The following SPSB4 variants were observed in gnomAD, a reference collection of about 807,000 sequenced individuals.
SPSB4 encodes the protein splA/ryanodine receptor domain and SOCS box containing 4.
A neutral mutation model predicts 20.9 loss-of-function variants in SPSB4; 21 were observed. That is an observed-to-expected ratio of 1.01 (90% confidence interval 0.71 to 1.45). SPSB4 has a LOEUF of 1.45. Ranked by LOEUF, SPSB4 falls within the 40% of genes most tolerant of loss-of-function variation. The pLI, the probability that SPSB4 is intolerant of heterozygous loss-of-function variation, is 0.00. For missense variants in SPSB4, 399 were observed against 399.2 expected, an observed-to-expected ratio of 1.00 and a Z score of 0.00; for synonymous variants, 207 against 183.8, an observed-to-expected ratio of 1.13 and a Z score of -1.02.
intron 2 of SPSB4, among the ~76,000 whole-genome samples, chr3:141,082,961 C>T (rs1938267891): frequency 2.0e-5 from 3 of 152,170 alleles, no homozygotes; most frequent in Admixed American, 1.3e-4. Context: ...TCTGGGCTTC[C>T]TCAGATTTGG....
intron 2 of SPSB4, among the ~76,000 whole-genome samples, chr3:141,134,574 T>G (rs1470958135): frequency 2.6e-5 from 4 of 152,152 alleles, no homozygotes; most frequent in Non-Finnish European, 5.9e-5. Flanking sequence ...ATTGACATGC[T>G]TATATGATTT....
At chr3:141,114,796 A>G (rs1457075509) in intron 2 of SPSB4, among the ~76,000 whole-genome samples, 1 of 152,232 alleles carries the variant, frequency 6.6e-6, no homozygotes. Context: ...GTTTTTGTCC[A>G]TAAACCTCTA....
intron 2 of SPSB4, among the ~76,000 whole-genome samples, chr3:141,113,010 C>T (rs920349488): frequency 6.6e-6 from 1 of 152,146 alleles, no homozygotes; most frequent in Non-Finnish European, 1.5e-5. Context: ...AGCTGTTCTC[C>T]CATCTTCTTT....
intron 2 of SPSB4, among the ~76,000 whole-genome samples, chr3:141,074,772 G>A (rs778490824): frequency 1.2e-4 from 19 of 152,222 alleles, no homozygotes; most frequent in East Asian, 1.9e-4. Context: ...CCGAGGTGGC[G>A]GCCCTGAGGG....
At chr3:141,077,911 C>T (rs576002907) in intron 2 of SPSB4, among the ~76,000 whole-genome samples, 39 of 152,340 alleles carry the variant, frequency 2.6e-4, no homozygotes, top group African/African-American at 9.1e-4. Flanking sequence ...TGAGAAACCG[C>T]TCAGGCACCC....
chr3:141,099,437 A>G (rs985871662), intron 2 of SPSB4, among the ~76,000 whole-genome samples: 3 of 152,196 alleles, frequency 2.0e-5, no homozygotes, highest in African/African-American at 7.2e-5. Flanking sequence ...TTTATTTTGT[A>G]TGTATAGATT....
chr3:141,059,407 G>T (rs1231669619), intron 1 of SPSB4, among the ~76,000 whole-genome samples: 2 of 151,736 alleles, frequency 1.3e-5, no homozygotes, highest in Non-Finnish European at 2.9e-5. Flanking sequence ...GCATCTGCTT[G>T]GCTTCTAGAG....
intron 2 of SPSB4, among the ~76,000 whole-genome samples, chr3:141,114,944 G>C (rs1938861332): frequency 6.6e-6 from 1 of 152,192 alleles, no homozygotes; most frequent in South Asian, 2.1e-4. Flanking sequence ...GAACGCAAGA[G>C]TCTTGTGAGC....
At chr3:141,143,827 T>C (rs1939372975) in intron 2 of SPSB4, among the ~76,000 whole-genome samples, 1 of 152,248 alleles carries the variant, frequency 6.6e-6, no homozygotes, top group Non-Finnish European at 1.5e-5. Context: ...GCTCCTTCTT[T>C]TCATTATGTT....
At chr3:141,088,951 T>G (rs1938400491) in intron 2 of SPSB4, among the ~76,000 whole-genome samples, 1 of 152,254 alleles carries the variant, frequency 6.6e-6, no homozygotes, top group South Asian at 2.1e-4. Context: ...TAAGCACATC[T>G]GTGTCCATAT....
rs1389235894 is a variant in SPSB4, at chr3:141,066,360, G to A, written c.256G>A (p.Gly86Ser). 4 of 1,556,992 alleles carry A rather than the reference G, an allele frequency of 2.6e-6. No individual in the cohort carries two copies. Among genetic ancestry groups the A allele is most frequent in the East Asian group, 2.4e-5 (1 of 41,284 alleles). ...GCACCCCGTGGCCCAGAGCACCGAC[G>A]GCATCCGCGGCAAGGTGGGCCACGC... ...HRHPVAQSTD[G>S]IRGKVGHARG... Residue 86 changes from glycine to serine, a missense_variant, in exon 2 of 3, where the codon GGC (glycine) becomes AGC (serine). Transcript: ENST00000310546.
At chr3:141,078,905 G>A (rs1046280583) in intron 2 of SPSB4, among the ~76,000 whole-genome samples, 3 of 152,316 alleles carry the variant, frequency 2.0e-5, no homozygotes, top group Admixed American at 2.0e-4. Flanking sequence ...GGCATGTAGT[G>A]GATTCTGTGT....
intron 2 of SPSB4, among the ~76,000 whole-genome samples, chr3:141,107,160 G>A (rs1455046411): frequency 6.6e-6 from 1 of 152,200 alleles, no homozygotes; most frequent in Non-Finnish European, 1.5e-5. Context: ...AAAGCCTCAG[G>A]AAAAACACAC....
chr3:141,095,673 G>A (rs537324638), intron 2 of SPSB4, among the ~76,000 whole-genome samples: 3 of 152,222 alleles, frequency 2.0e-5, no homozygotes, highest in Admixed American at 2.0e-4. Flanking sequence ...CTGTCCCCTC[G>A]GAACATTCTG....
chr3:141,117,283 G>C (rs1259079356), intron 2 of SPSB4: 1 of 152,200 alleles, frequency 6.6e-6, no homozygotes, highest in Non-Finnish European at 1.5e-5. Flanking sequence ...GAAGCAGCCT[G>C]CCCTGTAAAG....
intron 1 of SPSB4, among the ~76,000 whole-genome samples, chr3:141,057,913 T>C (rs1937689804): frequency 6.6e-6 from 1 of 152,176 alleles, no homozygotes; most frequent in African/African-American, 2.4e-5. Context: ...TCTCGTGGAG[T>C]CTGACCCCTT....
At chr3:141,093,692 A>G (rs1938501240) in intron 2 of SPSB4, among the ~76,000 whole-genome samples, 1 of 152,116 alleles carries the variant, frequency 6.6e-6, no homozygotes, top group African/African-American at 2.4e-5. Context: ...CTCTCCCATC[A>G]TCCCACATGC....
rs1268855799 is a variant in SPSB4 at position 141,066,775 on chromosome 3, T to A, written c.671T>A (p.Met224Lys). ...SAVWGHCEVT[M>K]RYINGLDPEP... ...GTGTGGGGCCACTGTGAAGTCACCA[T>A]GCGCTACATCAACGGCCTTGACCGT... Residue 224 changes from methionine (M) to lysine (K), a missense_variant, in exon 2 of 3, where the codon ATG becomes AAG. Physicochemically the swap from Met to Lys is moderately conservative, Grantham distance 95. Coordinates refer to ENST00000310546, the MANE Select transcript of SPSB4 (RefSeq NM_080862.3). The A allele has an allele frequency of 2.6e-6, 4 of 1,563,446 alleles. No individual in the cohort carries two copies. Among genetic ancestry groups the A allele is most frequent in the Non-Finnish European group, 1.7e-6 (2 of 1,151,536 alleles).
rs1229370522 is a variant in SPSB4 at position 141,066,461 on chromosome 3, G to A, written c.357G>A (p.Thr119=). 2.9e-5 allele frequency: 44 copies of A among 1,498,986 alleles called. 1 individual carries two copies. In the South Asian group the frequency reaches 5.5e-4, roughly 19 times the overall value. The allele number at this position is 1,498,986 out of a possible 1,614,324, so 92.9% of individuals were successfully genotyped here. Residue 119 remains threonine (T), a synonymous_variant, in exon 2 of 3, where the codon ACG becomes ACA. Coordinates refer to ENST00000310546, the MANE Select transcript of SPSB4 (RefSeq NM_080862.3). ...CCCACGCTGTAGTTGGTGTGGCCACGGCCCGTGCTCCCCTGCACTCCGTGG... is the reference window on the plus strand; with the variant it reads ...CCCACGCTGTAGTTGGTGTGGCCACAGCCCGTGCTCCCCTGCACTCCGTGG... ...RGTHAVVGVA[T]ARAPLHSVGY...
Sources: gnomAD v4.1 joint callset for allele counts (sites outside exome capture counted in the v4.1 genomes callset) on GRCh38, gnomAD v4.1.1 for gene constraint, MANE v1.5 for transcripts, NCBI Gene and HGNC (gene_info 2026-07-23, HGNC 2026-07-21) for gene names.